PEG3: variants seen among roughly 807,000 people sequenced by gnomAD.
PEG3 encodes the protein paternally expressed 3.
Under a neutral mutation model 35.5 loss-of-function variants are expected in PEG3, and 23 were observed. The ratio of observed to expected loss-of-function variants is 0.65; its 90% CI spans 0.47 to 0.92. The LOEUF (loss-of-function observed/expected upper bound fraction) is 0.92, where lower values mean the gene tolerates loss of function less well. Ranked by LOEUF, PEG3 falls within the 40% of genes least tolerant of loss-of-function variation. PEG3 has a pLI of 0.00. For missense variants in PEG3, 1,960 were observed against 1,985.3 expected (o/e 0.99, Z 0.24); for synonymous variants, 707 against 697.0 (o/e 1.01, Z -0.23).
In PEG3 at chr19:56,824,544, C is replaced by A; in HGVS notation, c.112G>T (p.Gly38Cys). ...TKEPDVIIGE[G>C]PTDSEFFHQR... ...TGAAAAAACTCAGAGTCAGTTGGAC[C>A]TTCTCCTATGATGACATCCGGCTCC... Residue 38 changes from glycine to cysteine, a missense_variant, in exon 4 of 10, where the codon GGT becomes TGT. Transcript: ENST00000326441. 1.9e-6 allele frequency: 3 copies of A among 1,614,112 alleles called. No homozygotes were observed. Among genetic ancestry groups the A allele is most frequent in the Non-Finnish European group, 2.5e-6 (3 of 1,180,024 alleles).
chr19:56,836,180 C>A, intron 1 of PEG3, 76 bp from the exon 2 acceptor site: 1 of 408,034 alleles, frequency 2.5e-6, no homozygotes, highest in Non-Finnish European at 5.0e-6. Context: ...AACAATACCA[C>A]AACAGTTCCA....
At position 56,816,744 on chromosome 19, in the gene PEG3, C is replaced by G. The variant is rs748642290; in HGVS notation, c.1698G>C (p.Arg566Ser). The G allele has an allele frequency of 6.2e-7, 1 of 1,614,082 alleles. No homozygotes were observed. ...IYGKDKFYEC[R>S]VCKETFLHSS... is the part of the protein sequence containing the mutation. ...TATGAAGGAAGGTTTCCTTACACAC[C>G]CTGCACTCGTAGAATTTGTCTTTGC... The change falls in exon 10 of 10, where the codon AGG becomes AGC. Residue 566 changes from arginine to serine, a missense_variant. Arg to Ser is a moderately radical substitution (Grantham distance 110). Transcript: ENST00000326441.
chr19:56,827,070 T>TA (rs1407915032), intron 2 of PEG3, among the ~76,000 whole-genome samples: 2 of 152,122 alleles, frequency 1.3e-5, no homozygotes, highest in African/African-American at 4.8e-5. Flanking sequence ...GGAAGAAATC[T>TA]AAAAAGCTGA....
In PEG3 at chr19:56,817,512, G is replaced by A; in HGVS notation, c.930C>T (p.Ser310=). The A allele has an allele frequency of 6.2e-7, 1 of 1,609,412 alleles. No homozygotes were observed. Among genetic ancestry groups the A allele is most frequent in the Non-Finnish European group, 8.5e-7 (1 of 1,177,124 alleles). The change falls in exon 10 of 10, where the codon TCC becomes TCT. Residue 310 remains serine (S), a synonymous_variant. Transcript: ENST00000326441. ...TGAATTTTTCCATTATCACTCCGTG[G>A]GAAGATTCATCTTCACAAATCCCCC... ...HRRGICEDES[S]HGVIMEKFIK...
chr19:56,838,777 A>G (rs1220269454), intron 1 of PEG3, among the ~76,000 whole-genome samples: 1 of 152,190 alleles, frequency 6.6e-6, no homozygotes, highest in Admixed American at 6.5e-5. Flanking sequence ...ACCAGCACAC[A>G]CAGCCCAAGG....
At position 56,816,705 on chromosome 19, in the gene PEG3, A is replaced by T. The variant is rs773055680; in HGVS notation, c.1737T>A (p.Ile579=). 9 of 1,614,016 alleles carry T rather than the reference A, an allele frequency of 5.6e-6. No homozygotes were observed. In the African/African-American group the frequency reaches 1.2e-4, roughly 22 times the overall value. ...KETFLHSSAL[I]EHQKIHFGDD... The stretch of plus-strand genomic sequence containing the variant: ...CCCCAAAGTGGATTTTCTGGTGCTC[A>T]ATCAGGGCAGAACTATGAAGGAAGG... Residue 579 remains isoleucine (I), a synonymous_variant, in exon 10 of 10, where the codon ATT becomes ATA. Transcript: ENST00000326441.
At position 56,815,717 on chromosome 19, in the gene PEG3, G is replaced by T; in HGVS notation, c.2725C>A (p.Pro909Thr). 1 of 1,614,088 alleles carries T rather than the reference G, an allele frequency of 6.2e-7. No individual in the cohort carries two copies. Among genetic ancestry groups the T allele is most frequent in the Non-Finnish European group, 8.5e-7 (1 of 1,180,002 alleles). The change falls in exon 10 of 10, where the codon CCT becomes ACT. Residue 909 changes from proline to threonine, a missense_variant. By Grantham distance (38) the Pro-to-Thr change is conservative. This residue lies in a region of PEG3 where 798 missense variants were observed against 782.4 expected (regional missense o/e 1.02). Transcript: ENST00000326441. ...TTAAACTCACCAGATCCCTCTCCAG[G>T]AACACTTTTCTGAGGTTTGGCACGG... ...VFRAKPQKSVPGEGSGEFKKD... is the reference protein window; with the variant it reads ...VFRAKPQKSVTGEGSGEFKKD...
At chr19:56,836,598 A>C (rs2062133553) in intron 1 of PEG3, among the ~76,000 whole-genome samples, 1 of 152,170 alleles carries the variant, frequency 6.6e-6, no homozygotes, top group Admixed American at 6.5e-5. Context: ...TGGGGGAAGG[A>C]CCTTCATGAT....
intron 3 of PEG3, among the ~76,000 whole-genome samples, chr19:56,825,434 TC>T (rs1432387454): frequency 6.6e-6 from 1 of 152,258 alleles, no homozygotes; most frequent in Middle Eastern, 3.2e-3. Context: ...GAACCGGCTT[TC>T]TGTTTTGACA....
rs538456646 is a variant in PEG3, at chr19:56,827,723, G to A, written c.-162-1260C>T. Among the ~76,000 whole-genome samples, 3 of 152,286 alleles carry A rather than the reference G, an allele frequency of 2.0e-5. No homozygotes were observed. In the South Asian group the frequency reaches 6.2e-4, roughly 32 times the overall value. On this transcript the variant is annotated intron_variant, in intron 2 of 9. Transcript: ENST00000326441. ...TTAATAGACAAGATATGTTATGTTT[G>A]TATAATGAATTACTATGAAACCCTT... is the stretch of plus-strand genomic sequence containing the variant.
intron 2 of PEG3, chr19:56,833,197 C>T (rs750834905): frequency 5.8e-6 from 3 of 515,266 alleles, no homozygotes. Flanking sequence ...AGGAGAAAAT[C>T]CACCGAGTCT....
intron 2 of PEG3, among the ~76,000 whole-genome samples, chr19:56,832,395 G>A (rs979320685): frequency 1.1e-4 from 16 of 152,026 alleles, no homozygotes; most frequent in African/African-American, 2.9e-4. Flanking sequence ...GGGCTAACAC[G>A]CATCAAGCTC....
chr19:56,823,571 A>C (rs764036543), intron 5 of PEG3, 22 bp downstream of exon 5: 2 of 1,613,760 alleles, frequency 1.2e-6, no homozygotes, highest in East Asian at 2.2e-5. Flanking sequence ...ATGGGTGACC[A>C]GTGGGGATGG....
chr19:56,817,246 T>C lies in PEG3; in HGVS notation c.1196A>G (p.Asp399Gly), dbSNP rs2060063205. ...TTGATCGTGAATCGAGCCCTTCCCA[T>C]CTGTGTCAAAATGATAGCGCCTCTT... ...ERKRRYHFDTDGKGSIHDQKG... is the reference protein window; with the variant it reads ...ERKRRYHFDTGGKGSIHDQKG... The change falls in exon 10 of 10, where the codon GAT becomes GGT. Residue 399 changes from aspartate (D) to glycine (G), a missense_variant. Physicochemically the swap from Asp to Gly is moderately conservative, Grantham distance 94 (BLOSUM62 -1). This residue lies in a region of PEG3 where 613 missense variants were observed against 577.1 expected (regional missense o/e 1.06). Transcript: ENST00000326441. 3.1e-6 allele frequency: 5 copies of C among 1,613,962 alleles called. No individual in the cohort carries two copies. The highest frequency in any genetic ancestry group is 4.2e-6 in the Non-Finnish European group (5 of 1,179,968).
rs2059636621 is a variant in PEG3, at chr19:56,812,921, C to T, written c.*754G>A. 3 of 985,414 alleles carry T rather than the reference C, an allele frequency of 3.0e-6. No individual in the cohort carries two copies. Among genetic ancestry groups the T allele is most frequent in the South Asian group, 9.4e-5 (2 of 21,276 alleles). The allele number at this position is 985,414 out of a possible 1,614,324, so 61.0% of individuals were successfully genotyped here. On this transcript the variant is annotated 3_prime_UTR_variant, in exon 10 of 10. Transcript: ENST00000326441. ...ACCAATCAATCTGGGTCACAAAAAG[C>T]CAATCCGTATATTGTAAAGCCTTAC... is the stretch of plus-strand genomic sequence containing the variant.
chr19:56,822,813 C>A lies in PEG3; in HGVS notation c.505G>T (p.Gly169Cys). The A allele has an allele frequency of 6.2e-7, 1 of 1,613,980 alleles. No homozygotes were observed. Among genetic ancestry groups the A allele is most frequent in the Admixed American group, 1.7e-5 (1 of 60,008 alleles). The change falls in exon 6 of 10, where the codon GGC (glycine) becomes TGC (cysteine). Residue 169 changes from glycine (G) to cysteine (C), a missense_variant. This residue lies in a region of PEG3 where 613 missense variants were observed against 577.1 expected (regional missense o/e 1.06). Coordinates refer to ENST00000326441, the MANE Select transcript of PEG3 (RefSeq NM_006210.3). The part of the protein sequence containing the change: ...SFSDRDWDRR[G>C]RSRDMEPRDR... ...CGTGGCTCCATGTCTCTGCTTCTGC[C>A]CCTCCGGTCCCAGTCCCGGTCACCT...
In PEG3 at chr19:56,816,122, A is replaced by G. The variant is rs575182107; in HGVS notation, c.2320T>C (p.Tyr774His). The G allele has an allele frequency of 1.9e-6, 3 of 1,613,176 alleles. No homozygotes were observed. The African/African-American group carries it at 4.0e-5, about 22-fold the overall frequency. ...TKENVYEAKS[Y>H]ERSVIHSLAS... Reference sequence around the variant, plus strand: ...AAGCTATGAATAACAGACCTCTCATATGATTTTGCCTCATAGACATTTTCC... The same window carrying G: ...AAGCTATGAATAACAGACCTCTCATGTGATTTTGCCTCATAGACATTTTCC... The change falls in exon 10 of 10, where the codon TAT becomes CAT. Residue 774 changes from tyrosine to histidine, a missense_variant. Around this residue, in one of 5 missense-constraint regions of PEG3, gnomAD observed 798 missense variants for 782.4 expected, o/e 1.02. Coordinates refer to ENST00000326441, the MANE Select transcript of PEG3 (RefSeq NM_006210.3).
Position 56,816,050 on chromosome 19 carries a change from T to G in PEG3, c.2392A>C (p.Lys798Gln). 2 of 1,598,492 alleles carry G rather than the reference T, an allele frequency of 1.3e-6. No homozygotes were observed. The highest frequency in any genetic ancestry group is 3.4e-5 in the Admixed American group (2 of 58,028). Reference protein sequence around the residue: ...QKSHSVAGPSKPKVMAESTIQ... With the variant: ...QKSHSVAGPSQPKVMAESTIQ... ...GTAGACTCTGCCATTACTTTTGGTT[T>G]ACTGGGCCCTGCTACACTGTGACTT... is the stretch of plus-strand genomic sequence containing the variant. The change falls in exon 10 of 10, where the codon AAA (lysine) becomes CAA (glutamine). Residue 798 changes from lysine (K) to glutamine (Q), a missense_variant. Coordinates refer to ENST00000326441, the MANE Select transcript of PEG3 (RefSeq NM_006210.3).
intron 2 of PEG3, among the ~76,000 whole-genome samples, chr19:56,831,543 A>G (rs1401971767): frequency 1.3e-5 from 2 of 152,244 alleles, no homozygotes; most frequent in Non-Finnish European, 2.9e-5. Flanking sequence ...CATCTCTGGA[A>G]GGCTAAGGCC....
Sources: gnomAD v4.1 joint callset for allele counts (sites outside exome capture counted in the v4.1 genomes callset) on GRCh38, gnomAD v4.1.1 for gene constraint, gnomAD v4.1.1 regional missense constraint, MANE v1.5 for transcripts, NCBI Gene and HGNC (gene_info 2026-07-23, HGNC 2026-07-21) for gene names.